The following NHERF1 variants were observed in gnomAD, a reference collection of about 807,000 sequenced individuals.
NHERF1 encodes the protein Na(+)/H(+) exchange regulatory cofactor NHE-RF1.
chr17:74,758,282 C>A, the NHERF1 span, among the ~76,000 whole-genome samples: 3 of 152,152 alleles, frequency 2.0e-5, no homozygotes, highest in African/African-American at 7.2e-5. This position sits in a 1 kb window ranked among gnomAD's most constrained non-coding sequence, Gnocchi z 4.3. Context: ...ACTTAGGGCG[C>A]GGTGAAGCTC....
chr17:74,750,323 A>G, the NHERF1 span, among the ~76,000 whole-genome samples: 1 of 152,184 alleles, frequency 6.6e-6, no homozygotes, highest in East Asian at 1.9e-4. Flanking sequence ...TGTGTAGGGC[A>G]GGGCGTGAGC....
chr17:74,766,332 G>A, the NHERF1 span, among the ~76,000 whole-genome samples: 1 of 151,980 alleles, frequency 6.6e-6, no homozygotes, highest in Admixed American at 6.6e-5. Context: ...AAGTAGCTAG[G>A]ATTACAGGCG....
the NHERF1 span, chr17:74,748,953 G>A: frequency 6.2e-7 from 1 of 1,606,434 alleles, no homozygotes; most frequent in Non-Finnish European, 8.5e-7. The surrounding 1 kb of genome is among the most constrained non-coding windows in gnomAD (Gnocchi z 4.3). Flanking sequence ...GGCAAGTTGG[G>A]CCAGTACATC....
the NHERF1 span, among the ~76,000 whole-genome samples, chr17:74,756,265 CTTTCTTTCTTTT>C: frequency 8.7e-6 from 1 of 114,394 alleles, no homozygotes; most frequent in African/African-American, 3.3e-5. Flanking sequence ...TCTTTTCTTT[CTTTCTTTCTTTT>C]TTTTTTTTTT....
At chr17:74,749,172 A>T in the NHERF1 span, 294 of 1,534,242 alleles carry the variant, frequency 1.9e-4, 5 homozygotes, top group South Asian at 3.3e-3. The surrounding 1 kb of genome is among the most constrained non-coding windows in gnomAD (Gnocchi z 5.6). Context: ...GTCCGAGAGG[A>T]GCTGCTGCGC....
the NHERF1 span, among the ~76,000 whole-genome samples, chr17:74,764,580 T>C: frequency 6.6e-6 from 1 of 152,176 alleles, no homozygotes; most frequent in African/African-American, 2.4e-5. The surrounding 1 kb of genome is among the most constrained non-coding windows in gnomAD (Gnocchi z 4.9). Context: ...AAGACACAGC[T>C]GGAATCTGGA....
chr17:74,764,101 A>G, the NHERF1 span, among the ~76,000 whole-genome samples: 2 of 152,272 alleles, frequency 1.3e-5, no homozygotes. This position sits in a 1 kb window ranked among gnomAD's most constrained non-coding sequence, Gnocchi z 4.9. Flanking sequence ...CGAGCCAAAC[A>G]GGGCAGGGCT....
chr17:74,761,905 A>G, the NHERF1 span: 1 of 1,219,536 alleles, frequency 8.2e-7, no homozygotes, highest in Non-Finnish European at 1.2e-6. The surrounding 1 kb of genome is among the most constrained non-coding windows in gnomAD (Gnocchi z 4.3). Context: ...GCAAATTTGC[A>G]TCCTCCCAAA....
At chr17:74,763,505 C>T in the NHERF1 span, 1 of 1,598,716 alleles carries the variant, frequency 6.3e-7, no homozygotes, top group Non-Finnish European at 8.5e-7. Flanking sequence ...GATCCCATCT[C>T]AGGAGCACCT....
chr17:74,748,660 T>G, the NHERF1 span: 1 of 581,414 alleles, frequency 1.7e-6, no homozygotes, highest in Non-Finnish European at 3.0e-6. This position sits in a 1 kb window ranked among gnomAD's most constrained non-coding sequence, Gnocchi z 4.3. Flanking sequence ...TGGTCTGTGG[T>G]CCTCTCTCGG....
chr17:74,749,470 C>T, the NHERF1 span, among the ~76,000 whole-genome samples: 1 of 152,204 alleles, frequency 6.6e-6, no homozygotes, highest in African/African-American at 2.4e-5. The surrounding 1 kb of genome is among the most constrained non-coding windows in gnomAD (Gnocchi z 5.6). Flanking sequence ...CCTGGGGCTG[C>T]GTCCCGCGAC....
chr17:74,767,029 C>G, the NHERF1 span: 8 of 1,551,018 alleles, frequency 5.2e-6, no homozygotes, highest in East Asian at 1.8e-4. Flanking sequence ...GTGCATGAGA[C>G]AGATCAGAAG....
the NHERF1 span, chr17:74,766,832 C>A: frequency 9.3e-7 from 1 of 1,079,380 alleles, no homozygotes; most frequent in Non-Finnish European, 1.4e-6. Flanking sequence ...GATGTTGACC[C>A]AGGGAACAAG....
chr17:74,755,331 A>C, the NHERF1 span, among the ~76,000 whole-genome samples: 1 of 152,110 alleles, frequency 6.6e-6, no homozygotes, highest in Non-Finnish European at 1.5e-5. Flanking sequence ...GTGATAGGTC[A>C]ATCTGGAATC....
chr17:74,762,028 G>C, the NHERF1 span: 1 of 1,614,038 alleles, frequency 6.2e-7, no homozygotes, highest in African/African-American at 1.3e-5. This position sits in a 1 kb window ranked among gnomAD's most constrained non-coding sequence, Gnocchi z 4.2. Flanking sequence ...CTTCGGCCTC[G>C]GCTCTGTACC....
At chr17:74,767,749 CAT>C in the NHERF1 span, among the ~76,000 whole-genome samples, 1 of 152,170 alleles carries the variant, frequency 6.6e-6, no homozygotes, top group Non-Finnish European at 1.5e-5. Flanking sequence ...AGGTGGACCA[CAT>C]GAGATTCAGG....
the NHERF1 span, chr17:74,749,437 C>T: frequency 1.4e-6 from 1 of 733,918 alleles, no homozygotes; most frequent in Non-Finnish European, 2.1e-6. The surrounding 1 kb of genome is among the most constrained non-coding windows in gnomAD (Gnocchi z 5.6). Flanking sequence ...GCCGACCAGG[C>T]GCCCTGACAC....
chr17:74,766,978 T>C, the NHERF1 span: 1 of 1,613,786 alleles, frequency 6.2e-7, no homozygotes, highest in Non-Finnish European at 8.5e-7. Context: ...ATACAGAAGG[T>C]AAGGGCGGGT....
At chr17:74,753,309 G>GT in the NHERF1 span, among the ~76,000 whole-genome samples, 1 of 152,190 alleles carries the variant, frequency 6.6e-6, no homozygotes, top group African/African-American at 2.4e-5. Context: ...CAGAGTCAGA[G>GT]TGCAGGCACC....
Sources: allele counts gnomAD v4.1 joint callset (sites outside exome capture counted in the v4.1 genomes callset), GRCh38; gene constraint gnomAD v4.1.1; non-coding constraint Gnocchi (gnomAD v3.1); transcripts MANE v1.5; gene names NCBI Gene and HGNC (gene_info 2026-07-23, HGNC 2026-07-21).